The following SNTG2 variants were observed in gnomAD, a reference collection of about 807,000 sequenced individuals.
SNTG2 encodes the protein gamma-2-syntrophin.
A neutral mutation model predicts 70.9 loss-of-function variants in SNTG2; 74 were observed. The observed-to-expected ratio is 1.04, with a 90% CI of 0.86 to 1.27. SNTG2 has a LOEUF of 1.27. Among genes scored for constraint, SNTG2 ranks in the 50% most tolerant of loss-of-function variants. SNTG2 has a pLI of 0.00. For missense variants in SNTG2, 717 were observed against 690.7 expected (o/e 1.04, Z -0.43); for synonymous variants, 278 against 273.8 (o/e 1.02, Z -0.15).
intron 4 of SNTG2, among the ~76,000 whole-genome samples, chr2:1,116,996 TAC>T (rs1667052188): frequency 6.8e-6 from 1 of 146,842 alleles, no homozygotes; most frequent in African/African-American, 2.6e-5. Context: ...TGCTCTGGTG[TAC>T]GAGTGCCCTG....
intron 1 of SNTG2, among the ~76,000 whole-genome samples, chr2:1,006,752 G>A (rs1020416557): frequency 1.5e-4 from 23 of 152,124 alleles, no homozygotes; most frequent in African/African-American, 5.1e-4. Flanking sequence ...AGGGCCAGGC[G>A]CGGTGGCTCA....
rs574108556 is a variant in SNTG2 at position 1,170,711 on chromosome 2, T to A, written c.500-2381T>A. On this transcript the variant is annotated intron_variant, in intron 7 of 16. Coordinates refer to ENST00000308624, the MANE Select transcript of SNTG2 (RefSeq NM_018968.4). The stretch of plus-strand genomic sequence containing the variant: ...GAATATATCTGTGTATACGGACCCA[T>A]GTACATACCCTTTGTATGGGTTTTG... Among the ~76,000 whole-genome samples, 54 of 152,298 alleles carry A rather than the reference T, an allele frequency of 3.5e-4. No homozygotes were observed. The East Asian group carries it at 0.01, about 29-fold the overall frequency.
intron 16 of SNTG2, among the ~76,000 whole-genome samples, chr2:1,328,153 C>T (rs1331395979): frequency 6.6e-6 from 1 of 152,044 alleles, no homozygotes; most frequent in Non-Finnish European, 1.5e-5. Context: ...TGCTGAACCA[C>T]GAGAACCCAC....
At chr2:1,212,645 T>C (rs541196911) in intron 9 of SNTG2, among the ~76,000 whole-genome samples, 7 of 152,328 alleles carry the variant, frequency 4.6e-5, no homozygotes, top group South Asian at 2.1e-4. Flanking sequence ...CATAAGGGCT[T>C]AAGCTATGAA....
chr2:1,137,699 T>G (rs753655515), intron 5 of SNTG2, 34 bp downstream of exon 5: 6 of 1,613,456 alleles, frequency 3.7e-6, no homozygotes, highest in Non-Finnish European at 5.1e-6. Flanking sequence ...TTAACTTGAT[T>G]GCATTTTTAT....
At chr2:956,238 TGCCCC>T (rs1238594949) in intron 1 of SNTG2, among the ~76,000 whole-genome samples, 3 of 29,806 alleles carry the variant, frequency 1.0e-4, no homozygotes, top group African/African-American at 4.3e-4. Flanking sequence ...GCCCCACCCC[TGCCCC>T]GCCCCGCCCC....
chr2:1,164,572 G>T (rs1194761335), intron 6 of SNTG2, among the ~76,000 whole-genome samples: 1 of 145,044 alleles, frequency 6.9e-6, no homozygotes, highest in Non-Finnish European at 1.5e-5. Flanking sequence ...GGTGGGATAT[G>T]CCTGGCCTAG....
At chr2:1,248,711 A>T (rs1335150315) in intron 12 of SNTG2, among the ~76,000 whole-genome samples, 1 of 152,126 alleles carries the variant, frequency 6.6e-6, no homozygotes, top group African/African-American at 2.4e-5. Flanking sequence ...GTATTGAAAG[A>T]CTCGGAGGAG....
intron 9 of SNTG2, among the ~76,000 whole-genome samples, chr2:1,236,737 C>G (rs182951149): frequency 6.6e-6 from 1 of 152,182 alleles, no homozygotes; most frequent in Non-Finnish European, 1.5e-5. Context: ...TATACCATCT[C>G]TGTTTCCTAC....
chr2:1,326,222 G>A (rs1029658295), intron 16 of SNTG2, among the ~76,000 whole-genome samples: 2 of 152,064 alleles, frequency 1.3e-5, no homozygotes, highest in African/African-American at 4.8e-5. Flanking sequence ...AAGTTAAAAC[G>A]ACTTTTTATG....
At chr2:1,196,218 A>G (rs1323767091) in intron 8 of SNTG2, among the ~76,000 whole-genome samples, 1 of 152,182 alleles carries the variant, frequency 6.6e-6, no homozygotes, top group African/African-American at 2.4e-5. Flanking sequence ...CAATAACTCA[A>G]TGGATGATAT....
At chr2:1,184,315 A>T (rs1672114095) in intron 8 of SNTG2, among the ~76,000 whole-genome samples, 1 of 152,160 alleles carries the variant, frequency 6.6e-6, no homozygotes, top group South Asian at 2.1e-4. Context: ...ACATTTTATC[A>T]AACACATAAG....
chr2:1,131,385 C>A (rs948292711), intron 4 of SNTG2, among the ~76,000 whole-genome samples: 6 of 152,148 alleles, frequency 3.9e-5, no homozygotes, highest in Admixed American at 3.9e-4. Flanking sequence ...TTCAGCCACA[C>A]CCTGGCCTGC....
rs188118257 is a variant in SNTG2 at position 1,279,978 on chromosome 2, C to T, written c.1284+12407C>T. Among the ~76,000 whole-genome samples the T allele has an allele frequency of 2.4e-3, 370 of 152,150 alleles. 4 individuals carry two copies. Among genetic ancestry groups the T allele is most frequent in the East Asian group, 3.9e-4 (2 of 5,180 alleles). On this transcript the variant is annotated intron_variant, in intron 14 of 16. Coordinates refer to ENST00000308624, the MANE Select transcript of SNTG2 (RefSeq NM_018968.4). Reference sequence around the variant, plus strand: ...TTCTAACATGATTACTGTATCTTTGCGTGATATTATAAAACTTAATTAATT... The same window carrying T: ...TTCTAACATGATTACTGTATCTTTGTGTGATATTATAAAACTTAATTAATT...
intron 4 of SNTG2, among the ~76,000 whole-genome samples, chr2:1,106,597 T>C (rs1314646962): frequency 8.7e-5 from 10 of 115,108 alleles, no homozygotes; most frequent in Admixed American, 1.8e-4. Flanking sequence ...AGTGGACACG[T>C]GCTGTCACTT....
intron 6 of SNTG2, among the ~76,000 whole-genome samples, chr2:1,140,644 T>A (rs913307208): frequency 6.6e-6 from 1 of 152,258 alleles, no homozygotes; most frequent in Non-Finnish European, 1.5e-5. Flanking sequence ...GCGAGGCTGG[T>A]GTGTTCTGCC....
At chr2:1,363,564 A>G (rs546685411) in intron 16 of SNTG2, among the ~76,000 whole-genome samples, 1 of 152,322 alleles carries the variant, frequency 6.6e-6, no homozygotes, top group Admixed American at 6.5e-5. Flanking sequence ...GTGGAAACAC[A>G]TCAGCCCATG....
chr2:1,328,643 A>T (rs1269998717), intron 16 of SNTG2, among the ~76,000 whole-genome samples: 1 of 152,222 alleles, frequency 6.6e-6, no homozygotes, highest in Non-Finnish European at 1.5e-5. Context: ...CCAAAAAGCT[A>T]ATAAAGTTTC....
chr2:977,728 G>A (rs1383281044), intron 1 of SNTG2, among the ~76,000 whole-genome samples: 1 of 152,040 alleles, frequency 6.6e-6, no homozygotes, highest in Non-Finnish European at 1.5e-5. Context: ...ACCTTAACTA[G>A]ACCTTACCGA....
Sources: allele counts gnomAD v4.1 joint callset (sites outside exome capture counted in the v4.1 genomes callset), GRCh38; gene constraint gnomAD v4.1.1; transcripts MANE v1.5; gene names NCBI Gene and HGNC (gene_info 2026-07-23, HGNC 2026-07-21).